ASAP1: variants seen among roughly 807,000 people sequenced by gnomAD.
ASAP1 encodes the protein ArfGAP with SH3 domain, ankyrin repeat and PH domain 1, also known as arf-GAP with SH3 domain, ANK repeat and PH domain-containing protein 1.
In ASAP1, 43 loss-of-function variants were observed where a neutral mutation model predicts 145.2. The observed-to-expected ratio is 0.30, with a 90% CI of 0.23 to 0.38. The LOEUF (loss-of-function observed/expected upper bound fraction) is 0.38, where lower values mean the gene tolerates loss of function less well. Ranked by LOEUF, ASAP1 falls within the 10% of genes least tolerant of loss-of-function variation. The pLI is 1.00. For missense variants in ASAP1, 1,018 were observed against 1,355.3 expected (o/e 0.75, Z 3.91); for synonymous variants, 546 against 515.5 (o/e 1.06, Z -0.80).
intron 29 of ASAP1, 134 bp downstream of exon 29, chr8:130,057,820 G>T: frequency 8.7e-7 from 1 of 1,144,906 alleles, no homozygotes; most frequent in Non-Finnish European, 1.3e-6. Flanking sequence ...TGGCTGTTGG[G>T]TGAGTGATGC....
intron 5 of ASAP1, among the ~76,000 whole-genome samples, chr8:130,210,436 CAT>C (rs926732219): frequency 1.1e-4 from 17 of 152,162 alleles, no homozygotes; most frequent in East Asian, 1.9e-4. Flanking sequence ...ACAGAAACCA[CAT>C]AGTGTCCTTA....
chr8:130,171,624 T>C (rs572917837), intron 9 of ASAP1, among the ~76,000 whole-genome samples: 6 of 152,176 alleles, frequency 3.9e-5, no homozygotes, highest in Non-Finnish European at 8.8e-5. Context: ...GGTGGGGACA[T>C]GGAGCCAAAC....
chr8:130,424,734 C>T (rs1342198866), intron 1 of ASAP1, among the ~76,000 whole-genome samples: 1 of 152,072 alleles, frequency 6.6e-6, no homozygotes, highest in African/African-American at 2.4e-5. Context: ...TGGCTCAGGC[C>T]TGTAATCCCA....
intron 2 of ASAP1, among the ~76,000 whole-genome samples, chr8:130,380,314 G>C (rs1002541415): frequency 6.6e-6 from 1 of 152,242 alleles, no homozygotes; most frequent in Non-Finnish European, 1.5e-5. Context: ...CAGGATGATG[G>C]AGTGTGTATT....
chr8:130,316,359 T>C (rs1187122099), intron 3 of ASAP1, among the ~76,000 whole-genome samples: 1 of 152,220 alleles, frequency 6.6e-6, no homozygotes, highest in Non-Finnish European at 1.5e-5. Context: ...CTAAGCTTTA[T>C]CTCTTTTCTA....
intron 3 of ASAP1, among the ~76,000 whole-genome samples, chr8:130,246,693 T>G (rs1162022645): frequency 6.6e-6 from 1 of 152,186 alleles, no homozygotes; most frequent in Non-Finnish European, 1.5e-5. Context: ...TAGTTCTTTA[T>G]ACCAGTGTGA....
rs1819591945 is a variant in ASAP1 at position 130,256,781 on chromosome 8, A to ATATC, written c.187-19788_187-19787insGATA. ...TATATATATATATATATATATATAT[A>ATATC]TCCTTATATATATATAAGCTTTTAT... On this transcript the variant is annotated intron_variant, in intron 3 of 29. Coordinates refer to ENST00000518721, the MANE Select transcript of ASAP1 (RefSeq NM_018482.4). Among the ~76,000 whole-genome samples, 5 of 112,612 alleles carry ATATC rather than the reference A, an allele frequency of 4.4e-5. No homozygotes were observed. In the East Asian group the frequency reaches 7.4e-4, roughly 17 times the overall value. The allele number at this position is 112,612 out of a possible 152,430, so 73.9% of individuals were successfully genotyped here.
intron 11 of ASAP1, chr8:130,163,183 C>A (rs529910635): frequency 6.6e-6 from 1 of 152,418 alleles, no homozygotes; most frequent in South Asian, 2.1e-4. Context: ...GGCACTCAAT[C>A]AAAAACAAGC....
Position 130,072,825 on chromosome 8 carries a change from G to GCGCGCGCGCA in ASAP1, c.2701+3522_2701+3523insTGCGCGCGCG, listed in dbSNP as rs1554816409. On this transcript the variant is annotated intron_variant, in intron 27 of 29. Transcript: ENST00000518721. ...TGTGTGTGTGTGTGTGTGTGTGTGT[G>GCGCGCGCGCA]CGCGCGGGGGGGGGCAGTTTTGGGG... 1.7e-4 allele frequency among the ~76,000 whole-genome samples: 9 copies of GCGCGCGCGCA among 54,098 alleles called. 1 individual carries two copies. Among genetic ancestry groups the GCGCGCGCGCA allele is most frequent in the Admixed American group, 5.2e-4 (3 of 5,770 alleles). 35.5% of individuals were successfully genotyped at this position (54,098 alleles called of 152,430 possible). A position where few individuals can be genotyped will look rare whatever the true frequency, so the allele number is the denominator to read the frequency against.
intron 3 of ASAP1, among the ~76,000 whole-genome samples, chr8:130,319,054 CACT>C (rs1377922140): frequency 1.3e-5 from 2 of 152,316 alleles, no homozygotes; most frequent in South Asian, 4.1e-4. Flanking sequence ...TAATCAGCAC[CACT>C]GTCAGTCTTC....
intron 27 of ASAP1, among the ~76,000 whole-genome samples, chr8:130,074,486 C>CACACACAGAG (rs5895034): frequency 4.1e-4 from 57 of 140,586 alleles, no homozygotes; most frequent in Admixed American, 8.7e-4. Flanking sequence ...CACACACACA[C>CACACACAGAG]AGAGAGAACG....
chr8:130,211,054 C>T (rs1157713123), intron 5 of ASAP1, among the ~76,000 whole-genome samples: 2 of 152,078 alleles, frequency 1.3e-5, no homozygotes, highest in South Asian at 2.1e-4. Flanking sequence ...GCTGGTGAGG[C>T]GGAAACTAGG....
At chr8:130,329,357 C>T (rs953669809) in intron 3 of ASAP1, among the ~76,000 whole-genome samples, 9 of 152,212 alleles carry the variant, frequency 5.9e-5, no homozygotes, top group Admixed American at 1.3e-4. Flanking sequence ...TTTGGCTTGG[C>T]TCTTTTCATT....
chr8:130,128,139 ATTTTTTTTT>A (rs745416119), intron 15 of ASAP1, 49 bp from the exon 16 acceptor site: 48 of 179,482 alleles, frequency 2.7e-4, no homozygotes, highest in East Asian at 9.1e-4. Flanking sequence ...GAGCATGGTC[ATTTTTTTTT>A]TTTTTTTTTT....
intron 3 of ASAP1, among the ~76,000 whole-genome samples, chr8:130,272,908 G>A (rs1477190237): frequency 6.6e-6 from 1 of 152,104 alleles, no homozygotes; most frequent in Non-Finnish European, 1.5e-5. Context: ...ACAATTAGAG[G>A]GAATAAGCTC....
chr8:130,122,541 C>G (rs1035474310), intron 18 of ASAP1, among the ~76,000 whole-genome samples: 2 of 152,216 alleles, frequency 1.3e-5, no homozygotes, highest in African/African-American at 4.8e-5. Flanking sequence ...GCTCCAAGCA[C>G]TTTTTATTCA....
chr8:130,338,673 C>T (rs1434829881), intron 3 of ASAP1, among the ~76,000 whole-genome samples: 1 of 152,278 alleles, frequency 6.6e-6, no homozygotes, highest in African/African-American at 2.4e-5. Flanking sequence ...ACAGTGGCTC[C>T]GGTTCCATCA....
chr8:130,190,165 G>A (rs566735098), intron 5 of ASAP1, among the ~76,000 whole-genome samples: 16 of 152,142 alleles, frequency 1.1e-4, no homozygotes, highest in African/African-American at 3.6e-4. Flanking sequence ...TCCCACTTGC[G>A]TTTGCTCATT....
At chr8:130,219,963 A>G (rs1817192163) in intron 4 of ASAP1, among the ~76,000 whole-genome samples, 1 of 152,004 alleles carries the variant, frequency 6.6e-6, no homozygotes. Flanking sequence ...CTAATTTTTA[A>G]TTTTTTGTAG....
Sources: gnomAD v4.1 joint callset for allele counts (sites outside exome capture counted in the v4.1 genomes callset) on GRCh38, gnomAD v4.1.1 for gene constraint, MANE v1.5 for transcripts, NCBI Gene and HGNC (gene_info 2026-07-23, HGNC 2026-07-21) for gene names.